Variants in PTPRD observed in about 807,000 individuals in gnomAD.
PTPRD encodes receptor-type tyrosine-protein phosphatase delta.
PTPRD carries 34 observed loss-of-function variants against 214.5 expected under a neutral mutation model. The ratio of observed to expected loss-of-function variants is 0.16; its 90% CI spans 0.12 to 0.21. PTPRD has a LOEUF of 0.21. PTPRD is among the 10% of genes least tolerant of loss of function. The pLI, the probability that PTPRD is intolerant of heterozygous loss-of-function variation, is 1.00. For synonymous variants in PTPRD, 1,128 were observed against 845.7 expected (o/e 1.33, Z -5.79); for missense variants, 2,545 against 2,398.7 (o/e 1.06, Z -1.27).
At chr9:10,287,373 C>T (rs1281776330) in intron 3 of PTPRD, among the ~76,000 whole-genome samples, 5 of 152,148 alleles carry the variant, frequency 3.3e-5, no homozygotes, top group Admixed American at 1.3e-4. Context: ...TAGCAAAAAC[C>T]TGTACACTCA....
At chr9:10,418,495 AC>A (rs1455070557) in intron 2 of PTPRD, among the ~76,000 whole-genome samples, 1 of 137,730 alleles carries the variant, frequency 7.3e-6, no homozygotes, top group African/African-American at 2.8e-5. Context: ...ACACACACAC[AC>A]ACTTCATATC....
intron 2 of PTPRD, among the ~76,000 whole-genome samples, chr9:10,475,561 A>G (rs1277647287): frequency 6.6e-6 from 1 of 152,120 alleles, no homozygotes; most frequent in African/African-American, 2.4e-5. Context: ...AGGTACAAAG[A>G]GGAGCTGGTA....
At chr9:9,357,049 C>T (rs1039083044) in intron 9 of PTPRD, among the ~76,000 whole-genome samples, 6 of 151,322 alleles carry the variant, frequency 4.0e-5, no homozygotes, top group African/African-American at 1.2e-4. Flanking sequence ...CATTCCTTCT[C>T]TTCATTTATC....
At chr9:9,380,619 T>G (rs962168364) in intron 9 of PTPRD, among the ~76,000 whole-genome samples, 4 of 152,208 alleles carry the variant, frequency 2.6e-5, no homozygotes, top group Non-Finnish European at 4.4e-5. Context: ...TCTATCTTAG[T>G]AAATGTTCCA....
intron 2 of PTPRD, among the ~76,000 whole-genome samples, chr9:10,586,795 T>C (rs1039343219): frequency 6.6e-6 from 1 of 152,022 alleles, no homozygotes; most frequent in Non-Finnish European, 1.5e-5. Flanking sequence ...CTTTTTTTTT[T>C]TTTTTTACCA....
At chr9:8,605,363 G>T (rs1368950100) in intron 14 of PTPRD, among the ~76,000 whole-genome samples, 2 of 152,078 alleles carry the variant, frequency 1.3e-5, no homozygotes, top group Non-Finnish European at 2.9e-5. Flanking sequence ...CCTGCTCTTT[G>T]AGCTCATTCA....
chr9:10,544,967 G>C (rs1050984970), intron 2 of PTPRD, among the ~76,000 whole-genome samples: 1 of 152,098 alleles, frequency 6.6e-6, no homozygotes, highest in Non-Finnish European at 1.5e-5. Context: ...TTTTTTTCTG[G>C]TTCAGGAAAT....
chr9:10,217,115 G>A (rs148301029), intron 3 of PTPRD, among the ~76,000 whole-genome samples: 2 of 151,880 alleles, frequency 1.3e-5, no homozygotes, highest in African/African-American at 4.8e-5. Flanking sequence ...GTGCTCAAGT[G>A]GCATTGAAAC....
intron 2 of PTPRD, among the ~76,000 whole-genome samples, chr9:10,414,188 A>C (rs575278695): frequency 1.6e-4 from 25 of 151,894 alleles, no homozygotes; most frequent in South Asian, 1.0e-3. Context: ...ATGGGAAAAA[A>C]TATTTGCAAA....
intron 7 of PTPRD, among the ~76,000 whole-genome samples, chr9:9,725,694 G>A (rs778444914): frequency 1.2e-4 from 18 of 152,144 alleles, no homozygotes; most frequent in Admixed American, 2.6e-4. Context: ...AAACAAATGT[G>A]TATGTTTATT....
chr9:9,843,893 G>A (rs1222134844), intron 5 of PTPRD, among the ~76,000 whole-genome samples: 2 of 151,950 alleles, frequency 1.3e-5, no homozygotes, highest in African/African-American at 4.8e-5. Context: ...TTATCGAATA[G>A]ACCATGACAA....
intron 30 of PTPRD, among the ~76,000 whole-genome samples, chr9:8,481,944 G>A (rs1329496041): frequency 2.0e-5 from 3 of 152,042 alleles, no homozygotes; most frequent in African/African-American, 4.8e-5. Context: ...CACCATGCCC[G>A]GCTAATTGTT....
intron 3 of PTPRD, among the ~76,000 whole-genome samples, chr9:10,314,597 C>T (rs552630684): frequency 6.6e-6 from 1 of 151,860 alleles, no homozygotes; most frequent in Non-Finnish European, 1.5e-5. Context: ...GGCTGAAATA[C>T]ATATTTGATA....
At chr9:10,001,574 C>T (rs572167623) in intron 4 of PTPRD, among the ~76,000 whole-genome samples, 2 of 152,220 alleles carry the variant, frequency 1.3e-5, no homozygotes, top group African/African-American at 4.8e-5. Context: ...TCAGAAATCA[C>T]TGAAGCCAGA....
rs763051386 is a variant in PTPRD at position 9,310,582 on chromosome 9, G to A, written c.-203+86867C>T. 9.2e-5 allele frequency among the ~76,000 whole-genome samples: 14 copies of A among 152,144 alleles called. 1 individual carries two copies. Among genetic ancestry groups the A allele is most frequent in the East Asian group, 1.9e-4 (1 of 5,190 alleles). The stretch of plus-strand genomic sequence containing the variant: ...TAATTTGAAATGTATTTAATGAGCC[G>A]TTATTGAATGCCTACTATATGTAAA... On this transcript the variant is annotated intron_variant, in intron 9 of 45. Coordinates refer to ENST00000381196, the MANE Select transcript of PTPRD (RefSeq NM_002839.4).
intron 2 of PTPRD, among the ~76,000 whole-genome samples, chr9:10,369,169 A>G (rs2097566944): frequency 6.6e-6 from 1 of 152,056 alleles, no homozygotes; most frequent in African/African-American, 2.4e-5. Flanking sequence ...TATGCAAATT[A>G]TTTTTCCTCT....
intron 2 of PTPRD, among the ~76,000 whole-genome samples, chr9:10,510,075 C>T (rs1171149945): frequency 6.6e-6 from 1 of 151,996 alleles, no homozygotes; most frequent in African/African-American, 2.4e-5. Flanking sequence ...AGAATTTCAA[C>T]CAGTAACCCT....
intron 2 of PTPRD, among the ~76,000 whole-genome samples, chr9:10,423,902 C>T (rs931057763): frequency 3.9e-4 from 60 of 151,992 alleles, no homozygotes; most frequent in Admixed American, 2.4e-3. Context: ...TGTATTTTTT[C>T]CCTTTTCTTT....
At chr9:9,163,423 T>C (rs557499141) in intron 10 of PTPRD, among the ~76,000 whole-genome samples, 1 of 152,150 alleles carries the variant, frequency 6.6e-6, no homozygotes, top group African/African-American at 2.4e-5. Context: ...AGGACACCTC[T>C]CACATCTAGT....
Sources: gnomAD v4.1 joint callset for allele counts (sites outside exome capture counted in the v4.1 genomes callset) on GRCh38, gnomAD v4.1.1 for gene constraint, MANE v1.5 for transcripts, NCBI Gene and HGNC (gene_info 2026-07-23, HGNC 2026-07-21) for gene names.